ENPEP: variants seen among roughly 807,000 people sequenced by gnomAD.
The protein encoded by ENPEP is AP-A.
In ENPEP, 103 loss-of-function variants were observed where a neutral mutation model predicts 114.5. That is an observed-to-expected ratio of 0.90 (90% CI 0.77 to 1.06). ENPEP has a LOEUF of 1.06. Ranked by LOEUF, ENPEP falls within the 50% of genes least tolerant of loss-of-function variation. The pLI is 0.00. For missense variants in ENPEP, 1,196 were observed against 1,161.3 expected (o/e 1.03, Z -0.43); for synonymous variants, 420 against 422.0 (o/e 1.00, Z 0.06).
intron 17 of ENPEP, among the ~76,000 whole-genome samples, chr4:110,552,201 C>T (rs952209893): frequency 2.6e-5 from 4 of 152,132 alleles, no homozygotes; most frequent in South Asian, 2.1e-4. Flanking sequence ...ACCTTGCCTA[C>T]GATGTACTGT....
intron 11 of ENPEP, among the ~76,000 whole-genome samples, chr4:110,534,932 A>G (rs1726556795): frequency 3.3e-5 from 5 of 152,164 alleles, no homozygotes; most frequent in Admixed American, 3.3e-4. Context: ...AGAAAGTCCT[A>G]GTTTAATGAA....
At chr4:110,542,919 T>C in intron 12 of ENPEP, 32 bp downstream of exon 12, 1 of 1,610,640 alleles carries the variant, frequency 6.2e-7, no homozygotes, top group Non-Finnish European at 8.5e-7. Flanking sequence ...AAACTTTTAT[T>C]TTTGTTCTAA....
At chr4:110,531,435 T>A (rs1458960442) in intron 11 of ENPEP, among the ~76,000 whole-genome samples, 158 bp downstream of exon 11, 1 of 152,148 alleles carries the variant, frequency 6.6e-6, no homozygotes, top group Non-Finnish European at 1.5e-5. Flanking sequence ...TCATCTACAA[T>A]CAGAACTGTT....
At position 110,476,256 on chromosome 4, in the gene ENPEP, A is replaced by G. The variant is rs1330747758; in HGVS notation, c.-159A>G. 2.4e-6 allele frequency: 2 copies of G among 819,638 alleles called. No individual in the cohort carries two copies. The highest frequency in any genetic ancestry group is 3.7e-4 in the Middle Eastern group (1 of 2,678). 50.8% of individuals were successfully genotyped at this position (819,638 alleles called of 1,614,324 possible). On this transcript the variant is annotated 5_prime_UTR_variant, in exon 1 of 20. Transcript: ENST00000265162. ...GTGGCTGGTGGGAACGTGAAAAGGG[A>G]GAGGAAAAGGCGCAAGAAGCCAGAG...
At chr4:110,542,576 C>G (rs1461973510) in intron 11 of ENPEP, among the ~76,000 whole-genome samples, 175 bp from the exon 12 acceptor site, 1 of 152,064 alleles carries the variant, frequency 6.6e-6, no homozygotes, top group Non-Finnish European at 1.5e-5. Flanking sequence ...TAGTGGTATT[C>G]TAAAGTTAGA....
intron 13 of ENPEP, among the ~76,000 whole-genome samples, chr4:110,547,426 C>G (rs1487940694): frequency 1.3e-5 from 2 of 151,982 alleles, no homozygotes; most frequent in African/African-American, 4.8e-5. Flanking sequence ...GAGTTGAGTT[C>G]CCTAGACGTA....
At chr4:110,485,037 C>G (rs1724453559) in intron 1 of ENPEP, among the ~76,000 whole-genome samples, 2 of 152,214 alleles carry the variant, frequency 1.3e-5, no homozygotes, top group Middle Eastern at 6.8e-3. Flanking sequence ...TCCCCTGCCT[C>G]TGGAAGACAT....
At chr4:110,529,175 G>C (rs987491792) in intron 10 of ENPEP, among the ~76,000 whole-genome samples, 1 of 152,184 alleles carries the variant, frequency 6.6e-6, no homozygotes, top group Non-Finnish European at 1.5e-5. Flanking sequence ...AACCTTAACT[G>C]TGGGCCTAGG....
intron 3 of ENPEP, among the ~76,000 whole-genome samples, chr4:110,498,102 G>A (rs72666193): frequency 0.11 from 16,556 of 152,078 alleles, 1,079 homozygotes; most frequent in Middle Eastern, 0.29. Flanking sequence ...CATTTTTATT[G>A]AGCATCTACT....
intron 3 of ENPEP, among the ~76,000 whole-genome samples, chr4:110,502,952 C>A (rs900378843): frequency 6.6e-6 from 1 of 151,892 alleles, no homozygotes; most frequent in East Asian, 1.9e-4. Flanking sequence ...ATGTACACAA[C>A]GTGCAGGTTT....
chr4:110,554,153 G>A (rs1010693171), intron 18 of ENPEP, among the ~76,000 whole-genome samples: 9 of 151,794 alleles, frequency 5.9e-5, no homozygotes, highest in African/African-American at 9.7e-5. Context: ...TAGAATAAAC[G>A]TATGTCCCAA....
At chr4:110,528,258 T>C (rs904709756) in intron 10 of ENPEP, among the ~76,000 whole-genome samples, 1 of 152,158 alleles carries the variant, frequency 6.6e-6, no homozygotes, top group Non-Finnish European at 1.5e-5. Flanking sequence ...AGAAAAGAGG[T>C]TCTTCTCTGT....
intron 4 of ENPEP, among the ~76,000 whole-genome samples, chr4:110,507,385 G>A (rs1182106581): frequency 5.3e-5 from 8 of 152,182 alleles, no homozygotes; most frequent in Non-Finnish European, 1.2e-4. Context: ...TAATAAGCTC[G>A]AGAGCTATTA....
chr4:110,515,246 T>C, intron 7 of ENPEP, 131 bp from the exon 8 acceptor site: 1 of 721,768 alleles, frequency 1.4e-6, no homozygotes, highest in South Asian at 1.8e-5. Flanking sequence ...AGCCATATAA[T>C]TTAGCAGAAT....
At chr4:110,503,132 C>T (rs140737543) in intron 3 of ENPEP, among the ~76,000 whole-genome samples, 5,178 of 152,192 alleles carry the variant, frequency 0.034, 116 homozygotes, top group Non-Finnish European at 0.056. Context: ...TCAATTCCCA[C>T]CTATGAGTGA....
intron 19 of ENPEP, among the ~76,000 whole-genome samples, chr4:110,560,384 A>G (rs1454138282): frequency 6.6e-6 from 1 of 152,234 alleles, no homozygotes; most frequent in African/African-American, 2.4e-5. Flanking sequence ...AGACAATGAG[A>G]AAGAAAATTC....
chr4:110,482,247 G>T (rs1382244658), intron 1 of ENPEP, among the ~76,000 whole-genome samples: 1 of 152,216 alleles, frequency 6.6e-6, no homozygotes, highest in African/African-American at 2.4e-5. Context: ...GCACAGTAGA[G>T]AAAATAGTTT....
chr4:110,558,862 G>C (rs1307018406), intron 18 of ENPEP, among the ~76,000 whole-genome samples: 3 of 152,122 alleles, frequency 2.0e-5, no homozygotes, highest in African/African-American at 7.2e-5. Flanking sequence ...TTTAGCTTTA[G>C]GTTTCTCTGC....
chr4:110,488,628 A>G lies in ENPEP; in HGVS notation c.732A>G (p.Thr244=), dbSNP rs372916413. The change falls in exon 2 of 20, where the codon ACA becomes ACG. Residue 244 remains threonine, a synonymous_variant. Transcript: ENST00000265162. ...AGCCCAACAAAAAGGCAACTTATAC[A>G]ATATCTATCACCCATCCCAAAGAAT... ...FDEPNKKATY[T]ISITHPKEYG... 6.2e-7 allele frequency: 1 copy of G among 1,613,966 alleles called. No homozygotes were observed. The highest frequency in any genetic ancestry group is 1.3e-5 in the African/African-American group (1 of 75,056).
Sources: gnomAD v4.1 joint callset for allele counts (sites outside exome capture counted in the v4.1 genomes callset) on GRCh38, gnomAD v4.1.1 for gene constraint, MANE v1.5 for transcripts, NCBI Gene and HGNC (gene_info 2026-07-23, HGNC 2026-07-21) for gene names.